Variants in TP63 observed in about 807,000 individuals in gnomAD.
TP63 encodes the protein tumor protein 63.
TP63 carries 17 observed loss-of-function variants against 82.8 expected under a neutral mutation model. The observed-to-expected ratio is 0.21, with a 90% CI of 0.14 to 0.31. The LOEUF (loss-of-function observed/expected upper bound fraction) is 0.31, where lower values mean the gene tolerates loss of function less well. Among genes scored for constraint, TP63 ranks in the 10% least tolerant of loss-of-function variants. The probability of loss-of-function intolerance (pLI) is 1.00; values close to 1 mark genes in which losing one functional copy is unlikely to be tolerated. For missense variants in TP63, 648 were observed against 895.3 expected (o/e 0.72, Z 3.52); for synonymous variants, 330 against 321.7 (o/e 1.03, Z -0.28).
At chr3:189,835,206 A>C (rs114848434) in intron 4 of TP63, among the ~76,000 whole-genome samples, 55 of 152,270 alleles carry the variant, frequency 3.6e-4, no homozygotes, top group African/African-American at 1.3e-3. Flanking sequence ...AACTAGATGG[A>C]GGGTCTAGTT....
intron 13 of TP63, among the ~76,000 whole-genome samples, chr3:189,893,130 C>A (rs537922015): frequency 3.3e-5 from 5 of 152,142 alleles, no homozygotes; most frequent in Non-Finnish European, 5.9e-5. Flanking sequence ...CCATAACATG[C>A]AAAAATGAGG....
chr3:189,606,312 C>T, the TP63 span, among the ~76,000 whole-genome samples: 1 of 151,968 alleles, frequency 6.6e-6, no homozygotes, highest in South Asian at 2.1e-4. Flanking sequence ...AAAAAAAAAT[C>T]CACAAATACA....
intron 9 of TP63, among the ~76,000 whole-genome samples, chr3:189,872,521 A>C (rs1718556549): frequency 6.6e-6 from 1 of 152,120 alleles, no homozygotes; most frequent in African/African-American, 2.4e-5. Context: ...TCTTTTAAAT[A>C]ACAAAATCAC....
chr3:189,755,154 T>C (rs1348964451), intron 3 of TP63, among the ~76,000 whole-genome samples: 1 of 152,190 alleles, frequency 6.6e-6, no homozygotes, highest in Non-Finnish European at 1.5e-5. Flanking sequence ...TGGTGATACC[T>C]TTATTGGTGA....
rs141757012 is a variant in TP63 at position 189,850,816 on chromosome 3, A to C, written c.580-13416A>C. 9.4e-3 allele frequency among the ~76,000 whole-genome samples: 1,439 copies of C among 152,302 alleles called. 21 individuals are homozygous for C. The highest frequency in any genetic ancestry group is 0.033 in the African/African-American group (1,356 of 41,572). Reference sequence around the variant, plus strand: ...GTATTAAAAATGTATGGGAGTAAATAAAATTCTTTTTTTATAAATGAATCT... The same window carrying C: ...GTATTAAAAATGTATGGGAGTAAATCAAATTCTTTTTTTATAAATGAATCT... On this transcript the variant is annotated intron_variant, in intron 4 of 13. Coordinates refer to ENST00000264731, the MANE Select transcript of TP63 (RefSeq NM_003722.5).
At chr3:189,694,271 CAT>C (rs1190161254) in intron 1 of TP63, among the ~76,000 whole-genome samples, 1 of 152,208 alleles carries the variant, frequency 6.6e-6, no homozygotes, top group African/African-American at 2.4e-5. Flanking sequence ...CTATCACTAA[CAT>C]CATACATTAT....
intron 1 of TP63, 22 bp from the exon 2 acceptor site, chr3:189,737,718 G>A: frequency 1.2e-6 from 2 of 1,612,324 alleles, no homozygotes; most frequent in Non-Finnish European, 1.7e-6. Context: ...TATAATACTA[G>A]TTTCATTTTT....
chr3:189,835,156 C>A (rs1259720624), intron 4 of TP63, among the ~76,000 whole-genome samples: 1 of 152,046 alleles, frequency 6.6e-6, no homozygotes, highest in Admixed American at 6.5e-5. Flanking sequence ...GGATTAAAAT[C>A]TTCTTAACTT....
At chr3:189,828,249 CAAA>C (rs556370643) in intron 4 of TP63, among the ~76,000 whole-genome samples, 4 of 84,586 alleles carry the variant, frequency 4.7e-5, no homozygotes, top group Admixed American at 1.3e-4. Context: ...TCAAAACAAG[CAAA>C]AAAAAAAAAA....
At chr3:189,814,420 C>T (rs1727937044) in intron 4 of TP63, among the ~76,000 whole-genome samples, 1 of 152,104 alleles carries the variant, frequency 6.6e-6, no homozygotes, top group African/African-American at 2.4e-5. Flanking sequence ...TGGTGAGGGG[C>T]AGAAGTCAGT....
intron 1 of TP63, among the ~76,000 whole-genome samples, chr3:189,638,622 G>A (rs547435249): frequency 2.5e-4 from 38 of 152,256 alleles, no homozygotes; most frequent in Admixed American, 4.6e-4. Context: ...CACTTCTGAT[G>A]TTGTCAGATA....
chr3:189,868,811 T>G lies in TP63; in HGVS notation c.1129+95T>G, dbSNP rs1039375617. 14 of 1,601,142 alleles carry G rather than the reference T, an allele frequency of 8.7e-6. No individual in the cohort carries two copies. The African/African-American group carries it at 1.9e-4, about 21-fold the overall frequency. On this transcript the variant is annotated intron_variant, in intron 8 of 13. Transcript: ENST00000264731. ...TGGAGAAGCTGCATGATAAGACCTG[T>G]GACCTTCAGCAGCAAGTGGGACGTC...
At chr3:189,790,299 T>A (rs1316343233) in intron 3 of TP63, among the ~76,000 whole-genome samples, 4 of 151,942 alleles carry the variant, frequency 2.6e-5, no homozygotes, top group South Asian at 2.1e-4. Flanking sequence ...AATAATCAGG[T>A]GAGATTTTTT....
Position 189,755,961 on chromosome 3 carries a change from T to C in TP63, c.324+17187T>C, listed in dbSNP as rs575085501. On this transcript the variant is annotated intron_variant, in intron 3 of 13. Coordinates refer to ENST00000264731, the MANE Select transcript of TP63 (RefSeq NM_003722.5). The stretch of plus-strand genomic sequence containing the variant: ...TTTGGCTGGAGGTGAGTAAGACATC[T>C]TGAAGAATGGAGTATCCAGGAGTGG... Among the ~76,000 whole-genome samples, 35 of 152,250 alleles carry C rather than the reference T, an allele frequency of 2.3e-4. 1 individual carries two copies. The East Asian group carries it at 4.6e-3, about 20-fold the overall frequency.
intron 4 of TP63, among the ~76,000 whole-genome samples, chr3:189,845,937 A>G (rs1714804134): frequency 6.6e-6 from 1 of 151,732 alleles, no homozygotes; most frequent in Admixed American, 6.6e-5. Flanking sequence ...TGTAGTAGGC[A>G]GGGAGGGTTT....
At chr3:189,806,628 A>G (rs1258833600) in intron 3 of TP63, among the ~76,000 whole-genome samples, 1 of 152,190 alleles carries the variant, frequency 6.6e-6, no homozygotes, top group Non-Finnish European at 1.5e-5. Flanking sequence ...AGAAAGCTGA[A>G]GATGGTGGGT....
chr3:189,735,594 A>T (rs567642872), intron 1 of TP63, among the ~76,000 whole-genome samples: 128 of 152,286 alleles, frequency 8.4e-4, no homozygotes, highest in Non-Finnish European at 1.6e-3. Context: ...TTTACTAATA[A>T]TTGACTTTGT....
At chr3:189,735,259 AG>A (rs1435287571) in intron 1 of TP63, among the ~76,000 whole-genome samples, 4 of 152,192 alleles carry the variant, frequency 2.6e-5, no homozygotes, top group Admixed American at 6.5e-5. Flanking sequence ...TATTCTGCAC[AG>A]GTCGTTTTAT....
intron 4 of TP63, chr3:189,844,352 C>A: frequency 5.0e-6 from 2 of 400,548 alleles, no homozygotes; most frequent in South Asian, 3.5e-5. Context: ...TTGGCACGAC[C>A]TCAGCTCACT....
Sources: allele counts gnomAD v4.1 joint callset (sites outside exome capture counted in the v4.1 genomes callset), GRCh38; gene constraint gnomAD v4.1.1; transcripts MANE v1.5; gene names NCBI Gene and HGNC (gene_info 2026-07-23, HGNC 2026-07-21).